Variants in KCND2 observed in about 807,000 individuals in gnomAD.
KCND2 encodes A-type voltage-gated potassium channel KCND2.
KCND2 carries 16 observed loss-of-function variants against 54.4 expected under a neutral mutation model. The observed-to-expected ratio is 0.29, with a 90% CI of 0.20 to 0.45. The LOEUF is 0.45. Among genes scored for constraint, KCND2 ranks in the 20% least tolerant of loss-of-function variants. KCND2 has a pLI of 1.00. For missense variants in KCND2, 486 were observed against 824.2 expected (o/e 0.59, Z 5.02); for synonymous variants, 317 against 310.7 (o/e 1.02, Z -0.21).
intron 1 of KCND2, among the ~76,000 whole-genome samples, chr7:120,647,977 G>A (rs1443063086): frequency 6.6e-6 from 1 of 152,120 alleles, no homozygotes; most frequent in African/African-American, 2.4e-5. Flanking sequence ...TTGTCGGCAT[G>A]TCTAAGTACA....
chr7:120,358,071 G>A (rs1407014986), intron 1 of KCND2, among the ~76,000 whole-genome samples: 2 of 152,088 alleles, frequency 1.3e-5, no homozygotes, highest in Non-Finnish European at 2.9e-5. Flanking sequence ...CTGATAACAT[G>A]CTGGAACAAA....
At chr7:120,562,600 A>G (rs976426398) in intron 1 of KCND2, among the ~76,000 whole-genome samples, 16 of 152,318 alleles carry the variant, frequency 1.1e-4, no homozygotes, top group Non-Finnish European at 2.1e-4. Context: ...TCATGTTTGT[A>G]TAAAAGAGAC....
At chr7:120,426,247 C>T (rs1281254217) in intron 1 of KCND2, among the ~76,000 whole-genome samples, 1 of 151,910 alleles carries the variant, frequency 6.6e-6, no homozygotes, top group African/African-American at 2.4e-5. Flanking sequence ...AAACTTTGAC[C>T]TCCCAAAGAT....
At chr7:120,314,126 AC>A (rs1415079017) in intron 1 of KCND2, among the ~76,000 whole-genome samples, 3 of 151,940 alleles carry the variant, frequency 2.0e-5, no homozygotes, top group Non-Finnish European at 4.4e-5. Context: ...AGAGTCCTAT[AC>A]TAGGGTTTAA....
chr7:120,704,370 ATCT>A (rs1156758553), intron 1 of KCND2, among the ~76,000 whole-genome samples: 2 of 152,170 alleles, frequency 1.3e-5, no homozygotes, highest in African/African-American at 4.8e-5. Flanking sequence ...ACTTAAATAA[ATCT>A]TCTACATCCC....
At chr7:120,446,117 G>A (rs1409596117) in intron 1 of KCND2, among the ~76,000 whole-genome samples, 2 of 152,064 alleles carry the variant, frequency 1.3e-5, no homozygotes, top group Non-Finnish European at 2.9e-5. Context: ...ACCATGTCCT[G>A]GAGTCTTTTC....
At chr7:120,511,403 T>C (rs1803113510) in intron 1 of KCND2, among the ~76,000 whole-genome samples, 1 of 152,118 alleles carries the variant, frequency 6.6e-6, no homozygotes, top group Non-Finnish European at 1.5e-5. Flanking sequence ...CAGAGACTGG[T>C]TTTGTTTACT....
intron 1 of KCND2, among the ~76,000 whole-genome samples, chr7:120,620,936 A>G (rs1292200472): frequency 6.6e-6 from 1 of 152,176 alleles, no homozygotes; most frequent in East Asian, 1.9e-4. Flanking sequence ...ATGGCAATGG[A>G]AACTAAACAA....
At chr7:120,544,311 G>A (rs535256069) in intron 1 of KCND2, among the ~76,000 whole-genome samples, 38 of 151,842 alleles carry the variant, frequency 2.5e-4, no homozygotes, top group Middle Eastern at 6.8e-3. Context: ...GCTCATGCTC[G>A]GATTATATTA....
chr7:120,547,918 C>T (rs772299468), intron 1 of KCND2, among the ~76,000 whole-genome samples: 1 of 151,872 alleles, frequency 6.6e-6, no homozygotes, highest in South Asian at 2.1e-4. Flanking sequence ...TAGAAAGAAA[C>T]GGCAGTATTT....
intron 1 of KCND2, among the ~76,000 whole-genome samples, chr7:120,316,785 A>G (rs1167187337): frequency 6.6e-6 from 1 of 151,724 alleles, no homozygotes; most frequent in African/African-American, 2.4e-5. Context: ...GTACTGAATT[A>G]TTGTACTTTA....
At chr7:120,546,384 A>G (rs1266489033) in intron 1 of KCND2, among the ~76,000 whole-genome samples, 1 of 151,942 alleles carries the variant, frequency 6.6e-6, no homozygotes, top group Non-Finnish European at 1.5e-5. Flanking sequence ...AAATAATTTT[A>G]TATTCAGTTT....
chr7:120,518,519 A>G (rs537127786), intron 1 of KCND2, among the ~76,000 whole-genome samples: 3 of 152,300 alleles, frequency 2.0e-5, no homozygotes, highest in Middle Eastern at 3.4e-3. Flanking sequence ...AATTATCAGT[A>G]CACTAAATCA....
chr7:120,338,447 G>T (rs1325031376), intron 1 of KCND2, among the ~76,000 whole-genome samples: 1 of 151,572 alleles, frequency 6.6e-6, no homozygotes, highest in Non-Finnish European at 1.5e-5. Flanking sequence ...GTATGTTTTT[G>T]CTTCCATTCT....
At chr7:120,732,605 C>T (rs1281078802) in intron 1 of KCND2, among the ~76,000 whole-genome samples, 1 of 152,036 alleles carries the variant, frequency 6.6e-6, no homozygotes, top group Non-Finnish European at 1.5e-5. Flanking sequence ...AGAACTGTGT[C>T]ATGGCATATA....
At chr7:120,408,738 C>T (rs1801402855) in intron 1 of KCND2, among the ~76,000 whole-genome samples, 1 of 151,750 alleles carries the variant, frequency 6.6e-6, no homozygotes, top group Non-Finnish European at 1.5e-5. Context: ...AATGTTCTTA[C>T]TTATTGACGG....
chr7:120,674,690 G>A (rs540342780), intron 1 of KCND2, among the ~76,000 whole-genome samples: 1 of 152,228 alleles, frequency 6.6e-6, no homozygotes, highest in Admixed American at 6.5e-5. Flanking sequence ...GCATCCTTCA[G>A]GCAATTTATT....
intron 1 of KCND2, among the ~76,000 whole-genome samples, chr7:120,620,248 A>T (rs2084888216): frequency 6.6e-6 from 1 of 152,096 alleles, no homozygotes; most frequent in Admixed American, 6.5e-5. Flanking sequence ...TGCAAAAAAA[A>T]AAAACTCTTA....
intron 1 of KCND2, among the ~76,000 whole-genome samples, chr7:120,593,512 T>C (rs1391883110): frequency 5.3e-5 from 8 of 152,104 alleles, no homozygotes; most frequent in African/African-American, 9.7e-5. Flanking sequence ...CAGTTGACTA[T>C]GATAGGAATG....
Sources: gnomAD v4.1 joint callset for allele counts (sites outside exome capture counted in the v4.1 genomes callset) on GRCh38, gnomAD v4.1.1 for gene constraint, MANE v1.5 for transcripts, NCBI Gene and HGNC (gene_info 2026-07-23, HGNC 2026-07-21) for gene names.